Variants in PUDP observed in about 807,000 individuals in gnomAD.
PUDP encodes pseudouridine 5'-phosphatase.
PUDP carries 8 observed loss-of-function variants against 9.4 expected under a neutral mutation model. The ratio of observed to expected loss-of-function variants is 0.85; its 90% CI spans 0.50 to 1.53. The LOEUF is 1.53. Among genes scored for constraint, PUDP ranks in the 40% most tolerant of loss-of-function variants. PUDP has a pLI of 0.00. For missense variants in PUDP, 188 were observed against 189.7 expected (o/e 0.99, Z 0.05); for synonymous variants, 99 against 80.7 (o/e 1.23, Z -1.22).
chrX:6,817,890 G>GT (rs1284632170), intron 3 of PUDP, among the ~76,000 whole-genome samples: 1 of 111,220 alleles, frequency 9.0e-6, no homozygotes, highest in Non-Finnish European at 1.9e-5. Flanking sequence ...CCAAGTCCCT[G>GT]TTTTTTTGTT....
At chrX:6,818,984 T>C (rs1161422972) in intron 3 of PUDP, among the ~76,000 whole-genome samples, 1 of 111,849 alleles carries the variant, frequency 8.9e-6, no homozygotes, top group Admixed American at 9.5e-5. Flanking sequence ...ATAAAAGTTG[T>C]TCATTCTCTT....
At chrX:6,814,189 T>G (rs1926189775) in intron 3 of PUDP, among the ~76,000 whole-genome samples, 1 of 111,670 alleles carries the variant, frequency 9.0e-6, no homozygotes, top group Admixed American at 9.5e-5. Flanking sequence ...TCTTTTTTAC[T>G]GAATGTCCCA....
At chrX:6,715,438 G>A (rs932917170) in intron 1 of PUDP, among the ~76,000 whole-genome samples, 1 of 111,956 alleles carries the variant, frequency 8.9e-6, no homozygotes, top group African/African-American at 3.2e-5. Flanking sequence ...AAGATGCATA[G>A]AAGAAATGCA....
At chrX:7,055,860 C>A (rs1346815689) in intron 3 of PUDP, among the ~76,000 whole-genome samples, 1 of 112,158 alleles carries the variant, frequency 8.9e-6, no homozygotes, top group African/African-American at 3.2e-5. Flanking sequence ...TGTTTCTTAT[C>A]TTCGAAGGCA....
At chrX:6,770,583 G>A (rs1039688886) in intron 3 of PUDP, among the ~76,000 whole-genome samples, 2 of 111,097 alleles carry the variant, frequency 1.8e-5, no homozygotes, top group African/African-American at 6.6e-5. Flanking sequence ...TCACACAGCT[G>A]CACATTCTCT....
At chrX:6,926,950 CTG>C (rs1292698480) in intron 3 of PUDP, among the ~76,000 whole-genome samples, 2 of 72,136 alleles carry the variant, frequency 2.8e-5, no homozygotes, top group Non-Finnish European at 2.4e-5. Flanking sequence ...TTTTTTGAGA[CTG>C]TGTCTCACTC....
At chrX:6,725,178 T>C (rs1353032179), upstream of PUDP, among the ~76,000 whole-genome samples, 1 of 111,606 alleles carries the variant, frequency 9.0e-6, no homozygotes, top group Non-Finnish European at 1.9e-5. Flanking sequence ...ATTCTCAGAA[T>C]ATCATCCCTA....
intron 1 of PUDP, among the ~76,000 whole-genome samples, chrX:7,137,575 C>T (rs935824802): frequency 1.8e-5 from 2 of 111,711 alleles, no homozygotes; most frequent in African/African-American, 6.5e-5. Context: ...AAACAAAAAA[C>T]CTCTGTGCTT....
intron 2 of PUDP, among the ~76,000 whole-genome samples, chrX:7,102,698 TA>T (rs1416637352): frequency 3.9e-4 from 41 of 103,876 alleles, no homozygotes; most frequent in East Asian, 1.2e-3. Context: ...TTCAACATAT[TA>T]AAAAAAAAAA....
At chrX:6,943,626 C>A (rs1928426483) in intron 3 of PUDP, among the ~76,000 whole-genome samples, 1 of 111,647 alleles carries the variant, frequency 9.0e-6, no homozygotes, top group Non-Finnish European at 1.9e-5. Flanking sequence ...GGAATAAAAC[C>A]CTGACATTCT....
At position 6,973,836 on chromosome X, in the gene PUDP, G is replaced by A. The variant is rs183635718; in HGVS notation, c.*247+3297C>T. Among the ~76,000 whole-genome samples, 376 of 111,375 alleles carry A rather than the reference G, an allele frequency of 3.4e-3. 1 individual carries two copies. Among genetic ancestry groups the A allele is most frequent in the Non-Finnish European group, 5.4e-3 (287 of 53,063 alleles). On this transcript the variant is annotated intron_variant and NMD_transcript_variant, in intron 3 of 3. Coordinates refer to the PUDP transcript ENST00000655425. ...AGTCTCCCACTATTATTGTGTGGGAGTCTAAGTCTTTGTAGGTCTCTAAGA... is the reference window on the plus strand; with the variant it reads ...AGTCTCCCACTATTATTGTGTGGGAATCTAAGTCTTTGTAGGTCTCTAAGA...
At chrX:6,720,845 A>G (rs1424137015) in intron 1 of PUDP, among the ~76,000 whole-genome samples, 1 of 110,811 alleles carries the variant, frequency 9.0e-6, no homozygotes, top group Non-Finnish European at 1.9e-5. Flanking sequence ...AAGAATTCAT[A>G]TCTCTATTCT....
chrX:6,842,852 C>T (rs764532691), intron 3 of PUDP, among the ~76,000 whole-genome samples: 13 of 112,321 alleles, frequency 1.2e-4, no homozygotes, highest in Non-Finnish European at 2.3e-4. Context: ...TCATTGGCTT[C>T]GGACCATCAA....
intron 1 of PUDP, among the ~76,000 whole-genome samples, chrX:7,142,967 G>A (rs1349383510): frequency 9.0e-6 from 1 of 110,850 alleles, no homozygotes; most frequent in Admixed American, 9.6e-5. Flanking sequence ...GAATTTTTTT[G>A]TAAAAGAAAG....
chrX:7,128,047 T>G (rs1932526309), intron 1 of PUDP, among the ~76,000 whole-genome samples: 1 of 111,529 alleles, frequency 9.0e-6, no homozygotes, highest in African/African-American at 3.3e-5. Context: ...ATTTACTAGA[T>G]TTTTTGTTTT....
At chrX:7,130,934 G>A (rs1274287520) in intron 1 of PUDP, among the ~76,000 whole-genome samples, 1 of 111,923 alleles carries the variant, frequency 8.9e-6, no homozygotes, top group Admixed American at 9.5e-5. Flanking sequence ...TCTAGGTACT[G>A]TAGCTGTTCA....
intron 3 of PUDP, among the ~76,000 whole-genome samples, chrX:6,817,989 G>T (rs770668832): frequency 8.9e-6 from 1 of 112,099 alleles, no homozygotes; most frequent in East Asian, 2.8e-4. Context: ...TAAGCAGGCT[G>T]CCTGTGTAAG....
At chrX:7,004,927 G>A (rs191334899) in intron 1 of PUDP, among the ~76,000 whole-genome samples, 72 of 112,334 alleles carry the variant, frequency 6.4e-4, no homozygotes, top group African/African-American at 2.2e-3. Flanking sequence ...AGCCTTAGAA[G>A]CACAGGAGAC....
intron 3 of PUDP, among the ~76,000 whole-genome samples, chrX:6,826,313 G>A (rs1048931870): frequency 9.0e-6 from 1 of 111,631 alleles, no homozygotes; most frequent in Non-Finnish European, 1.9e-5. Context: ...AAAATAGCAA[G>A]TGCCACATTT....
Sources: allele counts gnomAD v4.1 joint callset (sites outside exome capture counted in the v4.1 genomes callset), GRCh38; gene constraint gnomAD v4.1.1; transcripts MANE v1.5; gene names NCBI Gene and HGNC (gene_info 2026-07-23, HGNC 2026-07-21).